The following PARD3 variants were observed in gnomAD, a reference collection of about 807,000 sequenced individuals.
PARD3 encodes the protein par-3 family cell polarity regulator, also known as partitioning defective 3 homolog.
PARD3 carries 75 observed loss-of-function variants against 155.4 expected under a neutral mutation model. The observed-to-expected ratio is 0.48, with a 90% CI of 0.40 to 0.58. The LOEUF (loss-of-function observed/expected upper bound fraction) is 0.58, where lower values mean the gene tolerates loss of function less well. PARD3 is among the 20% of genes least tolerant of loss of function. The pLI, the probability that PARD3 is intolerant of heterozygous loss-of-function variation, is 0.00. For synonymous variants in PARD3, 576 were observed against 610.5 expected, an observed-to-expected ratio of 0.94 and a Z score of 0.83; for missense variants, 1,642 against 1,721.7, an observed-to-expected ratio of 0.95 and a Z score of 0.82.
At chr10:34,450,713 C>T (rs886641378) in intron 4 of PARD3, among the ~76,000 whole-genome samples, 1 of 152,090 alleles carries the variant, frequency 6.6e-6, no homozygotes, top group Non-Finnish European at 1.5e-5. Context: ...CTACACTTTG[C>T]ACTCCTACCC....
rs137920399 is a variant in PARD3, at chr10:34,452,191, G to A, written c.583-1743C>T. 9.3e-4 allele frequency among the ~76,000 whole-genome samples: 142 copies of A among 152,244 alleles called. No individual in the cohort carries two copies. The Middle Eastern group carries it at 0.017, about 18-fold the overall frequency. ...ATACTCATTTCCCACCATTTGAGGT[G>A]ATTATTACACCAACTGCTTACTTAG... On this transcript the variant is annotated intron_variant, in intron 4 of 24. Transcript: ENST00000374788.
chr10:34,366,880 C>T (rs1297649526), intron 12 of PARD3, among the ~76,000 whole-genome samples: 1 of 152,058 alleles, frequency 6.6e-6, no homozygotes, highest in Non-Finnish European at 1.5e-5. Flanking sequence ...ATGAACATTT[C>T]TGTATGTTAT....
chr10:34,628,001 A>T (rs540738866), intron 2 of PARD3, among the ~76,000 whole-genome samples: 2 of 152,092 alleles, frequency 1.3e-5, no homozygotes, highest in Non-Finnish European at 2.9e-5. Flanking sequence ...GCCCAGGCAG[A>T]AGAGGTGCTG....
At chr10:34,621,265 C>T (rs2091660866) in intron 2 of PARD3, among the ~76,000 whole-genome samples, 1 of 152,102 alleles carries the variant, frequency 6.6e-6, no homozygotes, top group Middle Eastern at 3.4e-3. Flanking sequence ...CTCTGTCACC[C>T]AGGCTCACTG....
intron 2 of PARD3, among the ~76,000 whole-genome samples, chr10:34,599,008 C>T (rs1045177697): frequency 6.6e-6 from 1 of 152,118 alleles, no homozygotes; most frequent in African/African-American, 2.4e-5. Flanking sequence ...CAGGAATATC[C>T]CTGCGCCTTC....
intron 19 of PARD3, among the ~76,000 whole-genome samples, chr10:34,323,743 A>C (rs1247182741): frequency 6.6e-6 from 1 of 152,214 alleles, no homozygotes; most frequent in East Asian, 1.9e-4. Context: ...TAATGGTAGA[A>C]TGTCACCTCC....
chr10:34,435,709 A>G (rs1037669817), intron 5 of PARD3, among the ~76,000 whole-genome samples: 8 of 152,244 alleles, frequency 5.3e-5, no homozygotes, highest in Non-Finnish European at 1.2e-4. Flanking sequence ...GGTGGCTTCT[A>G]TACTATCATA....
At chr10:34,637,322 A>ACCCTATTCATAATCC (rs1473702772) in intron 2 of PARD3, among the ~76,000 whole-genome samples, 2 of 152,168 alleles carry the variant, frequency 1.3e-5, no homozygotes, top group East Asian at 3.9e-4. Flanking sequence ...ACACCTCATA[A>ACCCTATTCATAATCC]CTATTCAAGG....
intron 1 of PARD3, among the ~76,000 whole-genome samples, chr10:34,801,144 C>T (rs140017179): frequency 3.2e-4 from 48 of 152,308 alleles, no homozygotes; most frequent in Middle Eastern, 3.4e-3. Context: ...AGCGTGAAGG[C>T]AAGAGACAGA....
intron 9 of PARD3, 129 bp from the exon 10 acceptor site, chr10:34,378,235 T>C (rs1841453556): frequency 4.5e-6 from 3 of 669,066 alleles, no homozygotes; most frequent in Non-Finnish European, 7.4e-6. Context: ...TTTCTTCTAC[T>C]ACTTTAAAAG....
intron 2 of PARD3, among the ~76,000 whole-genome samples, chr10:34,641,264 G>C (rs1226649215): frequency 6.6e-6 from 1 of 152,146 alleles, no homozygotes; most frequent in African/African-American, 2.4e-5. Context: ...AGGCCAACAA[G>C]GAAATCACAG....
At chr10:34,545,628 C>G (rs1190908238) in intron 2 of PARD3, among the ~76,000 whole-genome samples, 1 of 152,190 alleles carries the variant, frequency 6.6e-6, no homozygotes, top group Non-Finnish European at 1.5e-5. Flanking sequence ...AATCTCGGCT[C>G]ACTGCAATCT....
intron 2 of PARD3, among the ~76,000 whole-genome samples, chr10:34,615,993 G>C (rs188331939): frequency 2.6e-5 from 4 of 152,130 alleles, no homozygotes; most frequent in Non-Finnish European, 5.9e-5. Flanking sequence ...TGCACCCCTG[G>C]TGGGAATGCA....
intron 22 of PARD3, among the ~76,000 whole-genome samples, chr10:34,167,881 C>A (rs1210228876): frequency 6.6e-6 from 1 of 152,102 alleles, no homozygotes; most frequent in Non-Finnish European, 1.5e-5. Context: ...ATAATTAACT[C>A]TTGATACTAA....
intron 9 of PARD3, among the ~76,000 whole-genome samples, chr10:34,378,725 C>A (rs572867166): frequency 6.6e-5 from 10 of 152,292 alleles, no homozygotes; most frequent in South Asian, 2.1e-4. Flanking sequence ...CACCACCCCC[C>A]ACTCCCAAAC....
intron 14 of PARD3, among the ~76,000 whole-genome samples, chr10:34,358,816 C>T (rs1009468933): frequency 6.6e-6 from 1 of 152,212 alleles, no homozygotes; most frequent in South Asian, 2.1e-4. Flanking sequence ...CCAGGTATAA[C>T]TCTGCCAACT....
chr10:34,338,096 G>T (rs1836391909), intron 16 of PARD3, among the ~76,000 whole-genome samples: 1 of 152,216 alleles, frequency 6.6e-6, no homozygotes, highest in Non-Finnish European at 1.5e-5. Context: ...TACTAAACCA[G>T]AAGTCTGAAA....
At chr10:34,261,495 C>A (rs1221360267) in intron 22 of PARD3, among the ~76,000 whole-genome samples, 4 of 151,962 alleles carry the variant, frequency 2.6e-5, no homozygotes, top group Non-Finnish European at 4.4e-5. Context: ...TCGAGACCAG[C>A]CTGGCCAACA....
intron 9 of PARD3, among the ~76,000 whole-genome samples, chr10:34,381,363 C>T (rs1241199755): frequency 2.6e-5 from 4 of 152,030 alleles, no homozygotes; most frequent in African/African-American, 9.7e-5. Flanking sequence ...TATAATAATA[C>T]CATTTTGAAA....
Sources: allele counts gnomAD v4.1 joint callset (sites outside exome capture counted in the v4.1 genomes callset), GRCh38; gene constraint gnomAD v4.1.1; transcripts MANE v1.5; gene names NCBI Gene and HGNC (gene_info 2026-07-23, HGNC 2026-07-21).